The following C1QL1 variants were observed in gnomAD, a reference collection of about 807,000 sequenced individuals.
C1QL1 encodes the protein complement C1q like 1, also known as C1q-related factor.
C1QL1 carries 15 observed loss-of-function variants against 14.2 expected under a neutral mutation model. The ratio of observed to expected loss-of-function variants is 1.06; its 90% CI spans 0.71 to 1.62. The LOEUF (loss-of-function observed/expected upper bound fraction) is 1.62, where lower values mean the gene tolerates loss of function less well. C1QL1 is among the 40% of genes most tolerant of loss of function. C1QL1 has a pLI of 0.00. For synonymous variants in C1QL1, 172 were observed against 172.4 expected (o/e 1.00, Z 0.02); for missense variants, 346 against 380.3 (o/e 0.91, Z 0.75).
Position 44,967,052 on chromosome 17 carries a change from T to C in C1QL1, c.597+400A>G, listed in dbSNP as rs953420766. ...AGGCGCCCGCGGGCGCGGATGCTGC[T>C]TCTCCCTGTTCCATACGCCAGAGCC... On this transcript the variant is annotated intron_variant, in intron 1 of 1. Coordinates refer to ENST00000253407, the MANE Select transcript of C1QL1 (RefSeq NM_006688.5). The surrounding 1 kb of genome is among the most constrained non-coding windows in gnomAD (Gnocchi z 7.0). Among the ~76,000 whole-genome samples the C allele has an allele frequency of 5.3e-5, 8 of 152,140 alleles. No homozygotes were observed. The highest frequency in any genetic ancestry group is 2.0e-4 in the Admixed American group (3 of 15,284).
intron 1 of C1QL1, among the ~76,000 whole-genome samples, chr17:44,961,892 CAAAA>C (rs1216209496): frequency 1.9e-4 from 11 of 59,186 alleles, no homozygotes; most frequent in East Asian, 5.7e-4. Context: ...GACTCCGTCT[CAAAA>C]AAAAAAAAAA....
At chr17:44,964,532 T>C (rs773778390) in intron 1 of C1QL1, among the ~76,000 whole-genome samples, 5 of 152,288 alleles carry the variant, frequency 3.3e-5, no homozygotes, top group South Asian at 2.1e-4. Context: ...GCCAACACAT[T>C]TGGGGACCAA....
At chr17:44,961,647 G>A (rs1373910637) in intron 1 of C1QL1, among the ~76,000 whole-genome samples, 2 of 151,400 alleles carry the variant, frequency 1.3e-5, no homozygotes. Context: ...AGCACTTTGG[G>A]AGGCCGAGGC....
Position 44,959,957 on chromosome 17 carries a change from G to A in C1QL1, c.*231C>T. ...AATATATAGCGCGGGCTGGGCGGGG[G>A]CGGTCAACCCCGGTTCCCTGGCACG... On this transcript the variant is annotated 3_prime_UTR_variant, in exon 2 of 2. Transcript: ENST00000253407. The A allele has an allele frequency of 3.7e-6, 2 of 545,538 alleles. No homozygotes were observed. The highest frequency in any genetic ancestry group is 6.5e-6 in the Non-Finnish European group (2 of 308,818). The allele number at this position is 545,538 out of a possible 1,614,324, so 33.8% of individuals were successfully genotyped here. A position where few individuals can be genotyped will look rare whatever the true frequency, so the allele number is the denominator to read the frequency against.
In C1QL1 at chr17:44,967,351, G is replaced by A; in HGVS notation, c.597+101C>T. On this transcript the variant is annotated intron_variant, in intron 1 of 1. Transcript: ENST00000253407. The surrounding 1 kb of genome is among the most constrained non-coding windows in gnomAD (Gnocchi z 7.0). The stretch of plus-strand genomic sequence containing the variant: ...GCTGTGGGGTGGGATCTCCACCTGC[G>A]TCCGCCTGGCGCCCCCGCCAACTCC... 5 of 1,269,810 alleles carry A rather than the reference G, an allele frequency of 3.9e-6. No homozygotes were observed. In the South Asian group the frequency reaches 6.5e-5, roughly 16 times the overall value. 78.7% of individuals were successfully genotyped at this position (1,269,810 alleles called of 1,614,324 possible). A position where few individuals can be genotyped will look rare whatever the true frequency, so the allele number is the denominator to read the frequency against.
At chr17:44,966,543 C>G (rs1189599884) in intron 1 of C1QL1, among the ~76,000 whole-genome samples, 1 of 152,110 alleles carries the variant, frequency 6.6e-6, no homozygotes, top group Non-Finnish European at 1.5e-5. Flanking sequence ...CACCCCAGGG[C>G]GGGGCTGGGT....
At chr17:44,960,449 G>T in intron 1 of C1QL1, 82 bp from the exon 2 acceptor site, 1 of 973,332 alleles carries the variant, frequency 1.0e-6, no homozygotes, top group Non-Finnish European at 1.6e-6. Context: ...CCGTGGGGGA[G>T]GATCAGCAGA....
intron 1 of C1QL1, among the ~76,000 whole-genome samples, chr17:44,966,626 G>A (rs1376999327): frequency 6.6e-6 from 1 of 152,244 alleles, no homozygotes; most frequent in South Asian, 2.1e-4. Flanking sequence ...CAGAGTCCCC[G>A]ACACACTCAG....
At chr17:44,961,229 G>A (rs1050280340) in intron 1 of C1QL1, among the ~76,000 whole-genome samples, 2 of 152,186 alleles carry the variant, frequency 1.3e-5, no homozygotes, top group Non-Finnish European at 2.9e-5. Context: ...AGGATAATGG[G>A]TCAAGGGAGC....
At position 44,961,892 on chromosome 17, in the gene C1QL1, CAA is replaced by C. The variant is rs1216209496; in HGVS notation, c.598-1527_598-1526del. On this transcript the variant is annotated intron_variant, in intron 1 of 1. Transcript: ENST00000253407. ...TGGGCGACAGAGCGAGACTCCGTCT[CAA>C]AAAAAAAAAAAAAAAAAGAGAGAGA... is the stretch of plus-strand genomic sequence containing the variant. 4.9e-3 allele frequency among the ~76,000 whole-genome samples: 289 copies of C among 59,154 alleles called. 1 individual carries two copies. Among genetic ancestry groups the C allele is most frequent in the African/African-American group, 0.014 (266 of 18,404 alleles). The allele number at this position is 59,154 out of a possible 152,430, so 38.8% of individuals were successfully genotyped here.
chr17:44,967,646 C>T lies in C1QL1; in HGVS notation c.403G>A (p.Gly135Ser). 6.2e-7 allele frequency: 1 copy of T among 1,613,802 alleles called. No individual in the cohort carries two copies. Among genetic ancestry groups the T allele is most frequent in the Admixed American group, 1.7e-5 (1 of 60,030 alleles). ...TAACCCTCGTGGGGGTTCTTGAGGCCGGCGTAGAAGGCCACGCGCGGCACC... is the reference window on the plus strand; with the variant it reads ...TAACCCTCGTGGGGGTTCTTGAGGCTGGCGTAGAAGGCCACGCGCGGCACC... ...TTVPRVAFYA[G>S]LKNPHEGYEV... The change falls in exon 1 of 2, where the codon GGC becomes AGC. Residue 135 changes from glycine to serine, a missense_variant. Transcript: ENST00000253407. This position sits in a 1 kb window ranked among gnomAD's most constrained non-coding sequence, Gnocchi z 7.0.
chr17:44,966,516 G>A (rs1346582808), intron 1 of C1QL1, among the ~76,000 whole-genome samples: 3 of 152,226 alleles, frequency 2.0e-5, no homozygotes, highest in Admixed American at 6.5e-5. Flanking sequence ...GGTATCAAGA[G>A]AGCTGGCTAA....
In C1QL1 at chr17:44,968,019, G is replaced by C. The variant is rs201283537; in HGVS notation, c.30C>G (p.Pro10=). The C allele has an allele frequency of 1.3e-5, 18 of 1,381,418 alleles. No individual in the cohort carries two copies. The highest frequency in any genetic ancestry group is 1.7e-5 in the Non-Finnish European group (18 of 1,064,422). 85.6% of individuals were successfully genotyped at this position (1,381,418 alleles called of 1,614,324 possible). A position where few individuals can be genotyped will look rare whatever the true frequency, so the allele number is the denominator to read the frequency against. Residue 10 remains proline (P), a synonymous_variant, in exon 1 of 2, where the codon CCC becomes CCG. Transcript: ENST00000253407. Reference sequence around the variant, plus strand: ...CCGGGCCGCCCGAGCTCACCAGCACGGGGATGAGCACCACCAGCACCAGCA... The same window carrying C: ...CCGGGCCGCCCGAGCTCACCAGCACCGGGATGAGCACCACCAGCACCAGCA... MLLVLVVLI[P]VLVSSGGPEG...
In C1QL1 at chr17:44,968,034, C is replaced by A; in HGVS notation, c.15G>T (p.Leu5=). 7.4e-7 allele frequency: 1 copy of A among 1,348,976 alleles called. No individual in the cohort carries two copies. 83.6% of individuals were successfully genotyped at this position (1,348,976 alleles called of 1,614,324 possible). A position where few individuals can be genotyped will look rare whatever the true frequency, so the allele number is the denominator to read the frequency against. The part of the protein sequence containing the change: MLLV[L]VVLIPVLVSS... ...TCACCAGCACGGGGATGAGCACCAC[C>A]AGCACCAGCAGCATCACCACACCCG... Residue 5 remains leucine, a synonymous_variant, in exon 1 of 2, where the codon CTG becomes CTT. Coordinates refer to ENST00000253407, the MANE Select transcript of C1QL1 (RefSeq NM_006688.5).
Position 44,959,956 on chromosome 17 carries a change from G to A in C1QL1, c.*232C>T. Reference sequence around the variant, plus strand: ...AAATATATAGCGCGGGCTGGGCGGGGGCGGTCAACCCCGGTTCCCTGGCAC... The same window carrying A: ...AAATATATAGCGCGGGCTGGGCGGGAGCGGTCAACCCCGGTTCCCTGGCAC... On this transcript the variant is annotated 3_prime_UTR_variant, in exon 2 of 2. Coordinates refer to ENST00000253407, the MANE Select transcript of C1QL1 (RefSeq NM_006688.5). 1 of 544,742 alleles carries A rather than the reference G, an allele frequency of 1.8e-6. No individual in the cohort carries two copies. Among genetic ancestry groups the A allele is most frequent in the South Asian group, 2.2e-5 (1 of 45,694 alleles). The allele number at this position is 544,742 out of a possible 1,614,324, so 33.7% of individuals were successfully genotyped here. A position where few individuals can be genotyped will look rare whatever the true frequency, so the allele number is the denominator to read the frequency against.
chr17:44,960,070 C>A lies in C1QL1; in HGVS notation c.*118G>T. 3.4e-6 allele frequency: 3 copies of A among 887,960 alleles called. No homozygotes were observed. Among genetic ancestry groups the A allele is most frequent in the South Asian group, 3.0e-5 (2 of 66,848 alleles). The allele number at this position is 887,960 out of a possible 1,614,324, so 55.0% of individuals were successfully genotyped here. A position where few individuals can be genotyped will look rare whatever the true frequency, so the allele number is the denominator to read the frequency against. On this transcript the variant is annotated 3_prime_UTR_variant, in exon 2 of 2. Transcript: ENST00000253407. ...GGCGGTGTTGAGCACGGGCCGGGGG[C>A]GTCATAGCCGGGGAGGGCCGGGCAG...
chr17:44,961,485 G>A (rs1350866146), intron 1 of C1QL1, among the ~76,000 whole-genome samples: 2 of 152,104 alleles, frequency 1.3e-5, no homozygotes, highest in African/African-American at 4.8e-5. Flanking sequence ...CCAGCTCCTG[G>A]GGAGGCTGAG....
In C1QL1 at chr17:44,967,569, G is replaced by A. The variant is rs1344617538; in HGVS notation, c.480C>T (p.Asp160=). 1 of 1,614,018 alleles carries A rather than the reference G, an allele frequency of 6.2e-7. No homozygotes were observed. The highest frequency in any genetic ancestry group is 8.5e-7 in the Non-Finnish European group (1 of 1,179,964). The change falls in exon 1 of 2, where the codon GAC becomes GAT. Residue 160 remains aspartate, a synonymous_variant. Transcript: ENST00000253407. This position sits in a 1 kb window ranked among gnomAD's most constrained non-coding sequence, Gnocchi z 7.0. ...DVVTNLGNNY[D]AASGKFTCNI... is the part of the protein sequence containing the mutation. ...TGCACGTAAACTTGCCGCTGGCCGC[G>A]TCGTAGTTGTTGCCTAGGTTGGTGA...
rs1453528315 is a variant in C1QL1, at chr17:44,964,831, A to T, written c.597+2621T>A. On this transcript the variant is annotated intron_variant, in intron 1 of 1. Coordinates refer to ENST00000253407, the MANE Select transcript of C1QL1 (RefSeq NM_006688.5). ...CTGGTTTTCTTTTCTTTTCGTTTTTATCTTTTCTTTTCTTTTCTTTTTTTT... is the reference window on the plus strand; with the variant it reads ...CTGGTTTTCTTTTCTTTTCGTTTTTTTCTTTTCTTTTCTTTTCTTTTTTTT... Among the ~76,000 whole-genome samples, 7 of 149,646 alleles carry T rather than the reference A, an allele frequency of 4.7e-5. No homozygotes were observed. In the South Asian group the frequency reaches 1.5e-3, roughly 31 times the overall value.
Sources: allele counts gnomAD v4.1 joint callset (sites outside exome capture counted in the v4.1 genomes callset), GRCh38; gene constraint gnomAD v4.1.1; non-coding constraint Gnocchi (gnomAD v3.1); transcripts MANE v1.5; gene names NCBI Gene and HGNC (gene_info 2026-07-23, HGNC 2026-07-21).